TNNI1: variants seen among roughly 807,000 people sequenced by gnomAD.
The protein encoded by TNNI1 is troponin I, slow skeletal muscle.
TNNI1 carries 14 observed loss-of-function variants against 26.7 expected under a neutral mutation model. The ratio of observed to expected loss-of-function variants is 0.52; its 90% CI spans 0.35 to 0.82. The LOEUF is 0.82. Ranked by LOEUF, TNNI1 falls within the 40% of genes least tolerant of loss-of-function variation. The probability of loss-of-function intolerance (pLI) is 0.01; values close to 1 mark genes in which losing one functional copy is unlikely to be tolerated. For missense variants in TNNI1, 164 were observed against 257.0 expected, an observed-to-expected ratio of 0.64 and a Z score of 2.47; for synonymous variants, 79 against 98.2, an observed-to-expected ratio of 0.80 and a Z score of 1.16.
At chr1:201,409,994 G>A (rs921912475) in intron 8 of TNNI1, 1 of 199,246 alleles carries the variant, frequency 5.0e-6, no homozygotes, top group African/African-American at 2.3e-5. Context: ...CCAATTTAGT[G>A]GATCTGGGGT....
chr1:201,412,502 G>T (rs546883730), intron 6 of TNNI1, among the ~76,000 whole-genome samples: 2 of 152,264 alleles, frequency 1.3e-5, no homozygotes, highest in East Asian at 3.9e-4. Context: ...CTGGAGCAGG[G>T]TCTGGGTGGA....
rs182471625 is a variant in TNNI1, at chr1:201,414,579, C to G, written c.128G>C (p.Arg43Pro). Reference protein sequence around the residue: ...EHEEREAEKVRYLAERIPTLQ... With the variant: ...EHEEREAEKVPYLAERIPTLQ... ...CGTGGGGATGCGCTCTGCCAGGTAG[C>G]GCACCTTCTCAGCCTCGCGCTCCTC... is the stretch of plus-strand genomic sequence containing the variant. Residue 43 changes from arginine to proline, a missense_variant, in exon 5 of 9, where the codon CGC becomes CCC. Around this residue, in one of 3 missense-constraint regions of TNNI1, gnomAD observed 117 missense variants for 158.7 expected, o/e 0.74. Transcript: ENST00000361379. The G allele has an allele frequency of 6.2e-7, 1 of 1,613,662 alleles. No individual in the cohort carries two copies. Among genetic ancestry groups the G allele is most frequent in the Non-Finnish European group, 8.5e-7 (1 of 1,179,998 alleles).
rs774762591 is a variant in TNNI1 at position 201,414,568 on chromosome 1, C to T, written c.139G>A (p.Glu47Lys). Reference sequence around the variant, plus strand: ...CGGGTCTGCAGCGTGGGGATGCGCTCTGCCAGGTAGCGCACCTTCTCAGCC... The same window carrying T: ...CGGGTCTGCAGCGTGGGGATGCGCTTTGCCAGGTAGCGCACCTTCTCAGCC... Reference protein sequence around the residue: ...REAEKVRYLAERIPTLQTRGL... With the variant: ...REAEKVRYLAKRIPTLQTRGL... Residue 47 changes from glutamate to lysine, a missense_variant, in exon 5 of 9, where the codon GAG (glutamate) becomes AAG (lysine). Transcript: ENST00000361379. The T allele has an allele frequency of 6.2e-7, 1 of 1,613,530 alleles. No individual in the cohort carries two copies.
chr1:201,410,182 G>T, intron 8 of TNNI1, 144 bp downstream of exon 8: 1 of 660,550 alleles, frequency 1.5e-6, no homozygotes, highest in Non-Finnish European at 2.7e-6. Flanking sequence ...GAGCCCAGGA[G>T]AGCCGACTCA....
chr1:201,419,415 T>C (rs565558152), intron 1 of TNNI1, among the ~76,000 whole-genome samples: 1 of 151,880 alleles, frequency 6.6e-6, no homozygotes, highest in Non-Finnish European at 1.5e-5. Context: ...ACAGCTGAGG[T>C]GGAGAGCAGG....
At chr1:201,417,590 G>T (rs553344753) in intron 2 of TNNI1, among the ~76,000 whole-genome samples, 193 bp downstream of exon 2, 3 of 152,340 alleles carry the variant, frequency 2.0e-5, no homozygotes, top group Non-Finnish European at 1.5e-5. Context: ...CAACCTGGGA[G>T]TGAGTTCTGC....
In TNNI1 at chr1:201,405,365, C is replaced by T. The variant is rs1662494888; in HGVS notation, c.*3888G>A. ...GAAGGAAGAGAAAACCCTTGCCCGT[C>T]ACCTTTAATGAAAGACCCACAGGCA... is the stretch of plus-strand genomic sequence containing the variant. On this transcript the variant is annotated 3_prime_UTR_variant, in exon 9 of 9. Coordinates refer to ENST00000361379, the MANE Select transcript of TNNI1 (RefSeq NM_003281.4). 6.5e-6 allele frequency: 1 copy of T among 152,682 alleles called. No homozygotes were observed. The highest frequency in any genetic ancestry group is 1.5e-5 in the Non-Finnish European group (1 of 68,086). 9.5% of individuals were successfully genotyped at this position (152,682 alleles called of 1,614,324 possible). A position where few individuals can be genotyped will look rare whatever the true frequency, so the allele number is the denominator to read the frequency against.
intron 3 of TNNI1, among the ~76,000 whole-genome samples, chr1:201,415,610 G>C (rs1054587476): frequency 1.3e-5 from 2 of 152,014 alleles, no homozygotes; most frequent in African/African-American, 4.8e-5. Flanking sequence ...AGTTATTGCA[G>C]ATGAAATGAG....
rs569835644 is a variant in TNNI1, at chr1:201,419,090, G to A, written c.-19-1278C>T. The stretch of plus-strand genomic sequence containing the variant: ...CATGACACATGTTTACCTGTGTAAC[G>A]AACCCACACATCCTGCACATGTACC... On this transcript the variant is annotated intron_variant, in intron 1 of 8. Coordinates refer to ENST00000361379, the MANE Select transcript of TNNI1 (RefSeq NM_003281.4). Among the ~76,000 whole-genome samples the A allele has an allele frequency of 4.8e-4, 73 of 152,108 alleles. No individual in the cohort carries two copies. In the South Asian group the frequency reaches 7.5e-3, roughly 16 times the overall value.
At chr1:201,417,023 G>A (rs2102373029) in intron 3 of TNNI1, 93 bp downstream of exon 3, 1 of 1,507,998 alleles carries the variant, frequency 6.6e-7, no homozygotes, top group Non-Finnish European at 9.2e-7. Context: ...CCTTAACACA[G>A]GCTCTTCCCT....
In TNNI1 at chr1:201,413,038, G is replaced by T. The variant is rs1208828825; in HGVS notation, c.273C>A (p.Thr91=). The change falls in exon 6 of 9, where the codon ACC becomes ACA. Residue 91 remains threonine, a synonymous_variant. Coordinates refer to ENST00000361379, the MANE Select transcript of TNNI1 (RefSeq NM_003281.4). The stretch of plus-strand genomic sequence containing the variant: ...TTCCCTTCCTTAGACTCACCTCCCT[G>T]GTGTTGTGGAGGCATTTGGCCTCAA... The part of the protein sequence containing the change: ...YDIEAKCLHN[T]REIKDLKLKV... The T allele has an allele frequency of 6.2e-7, 1 of 1,613,932 alleles. No homozygotes were observed. Among genetic ancestry groups the T allele is most frequent in the Middle Eastern group, 1.6e-4 (1 of 6,062 alleles).
At chr1:201,409,315 A>C (rs1662590244) in intron 8 of TNNI1, 65 bp from the exon 9 acceptor site, 1 of 152,190 alleles carries the variant, frequency 6.6e-6, no homozygotes, top group Admixed American at 6.5e-5. Flanking sequence ...TGAATCCCTG[A>C]CTTACCTACA....
chr1:201,411,295 G>A lies in TNNI1; in HGVS notation c.456+62C>T. ...CTGGGCCAGCCTGAGGCCATGTGAG[G>A]GGTTGACAAGGGGAAAGCTGGTAGG... On this transcript the variant is annotated intron_variant, in intron 7 of 8. Coordinates refer to ENST00000361379, the MANE Select transcript of TNNI1 (RefSeq NM_003281.4). This position sits in a 1 kb window ranked among gnomAD's most constrained non-coding sequence, Gnocchi z 4.6. The A allele has an allele frequency of 4.4e-6, 7 of 1,583,220 alleles. No homozygotes were observed. The highest frequency in any genetic ancestry group is 6.0e-6 in the Non-Finnish European group (7 of 1,160,320).
At chr1:201,412,462 C>G (rs1042051085) in intron 6 of TNNI1, among the ~76,000 whole-genome samples, 1 of 152,126 alleles carries the variant, frequency 6.6e-6, no homozygotes, top group Non-Finnish European at 1.5e-5. Flanking sequence ...CCCAAAGGAG[C>G]CCTGTCCTTC....
intron 3 of TNNI1, among the ~76,000 whole-genome samples, chr1:201,416,681 G>A (rs1662745683): frequency 6.6e-6 from 1 of 152,196 alleles, no homozygotes; most frequent in South Asian, 2.1e-4. Context: ...CTCAATCAAT[G>A]TTCAGCCATT....
At chr1:201,415,514 T>C (rs1662718389) in intron 3 of TNNI1, among the ~76,000 whole-genome samples, 1 of 152,308 alleles carries the variant, frequency 6.6e-6, no homozygotes, top group Middle Eastern at 3.4e-3. Context: ...TGTAAGATAC[T>C]ATGAGGGCCA....
rs188490006 is a variant in TNNI1 at position 201,407,614 on chromosome 1, G to A, written c.*1639C>T. 6.6e-6 allele frequency: 1 copy of A among 152,396 alleles called. No individual in the cohort carries two copies. Among genetic ancestry groups the A allele is most frequent in the East Asian group, 1.9e-4 (1 of 5,190 alleles). 9.4% of individuals were successfully genotyped at this position (152,396 alleles called of 1,614,324 possible). Reference sequence around the variant, plus strand: ...GAATGGGGACTCAGTAGGGTGGGTAGAAGGGTTGCTGCTCTGATAACTCAG... The same window carrying A: ...GAATGGGGACTCAGTAGGGTGGGTAAAAGGGTTGCTGCTCTGATAACTCAG... On this transcript the variant is annotated 3_prime_UTR_variant, in exon 9 of 9. Coordinates refer to ENST00000361379, the MANE Select transcript of TNNI1 (RefSeq NM_003281.4).
chr1:201,417,750 C>T (rs1662776166), intron 2 of TNNI1, 33 bp downstream of exon 2: 3 of 1,313,742 alleles, frequency 2.3e-6, no homozygotes, highest in East Asian at 5.6e-5. Context: ...GACTTGCCTT[C>T]CTGGGGCCCC....
At position 201,415,253 on chromosome 1, in the gene TNNI1, C is replaced by A; in HGVS notation, c.17G>T (p.Arg6Ile). MPEVE[R>I]KPKITASRKL... ...GCGGGAGGCAGTGATCTTGGGTTTTCTCTGTGGGCAAGAAGAGAGAGAGAC... is the reference window on the plus strand; with the variant it reads ...GCGGGAGGCAGTGATCTTGGGTTTTATCTGTGGGCAAGAAGAGAGAGAGAC... The change falls in exon 4 of 9, where the codon AGA becomes ATA. Residue 6 changes from arginine to isoleucine, a missense_variant and splice_region_variant. By Grantham distance (97) the Arg-to-Ile change is moderately conservative (BLOSUM62 -3). Transcript: ENST00000361379. 6.2e-7 allele frequency: 1 copy of A among 1,614,154 alleles called. No individual in the cohort carries two copies. The highest frequency in any genetic ancestry group is 8.5e-7 in the Non-Finnish European group (1 of 1,180,024).
Sources: allele counts gnomAD v4.1 joint callset (sites outside exome capture counted in the v4.1 genomes callset), GRCh38; gene constraint gnomAD v4.1.1; regional missense constraint gnomAD v4.1.1; non-coding constraint Gnocchi (gnomAD v3.1); transcripts MANE v1.5; gene names NCBI Gene and HGNC (gene_info 2026-07-23, HGNC 2026-07-21).